The following RBM4 variants were observed in gnomAD, a reference collection of about 807,000 sequenced individuals.
The protein encoded by RBM4 is RNA binding motif protein 4, also known as RNA-binding protein 4.
RBM4 carries 7 observed loss-of-function variants against 29.5 expected under a neutral mutation model. The ratio of observed to expected loss-of-function variants is 0.24; its 90% confidence interval spans 0.14 to 0.45. The LOEUF (loss-of-function observed/expected upper bound fraction) is 0.45, where lower values mean the gene tolerates loss of function less well. Among genes scored for constraint, RBM4 ranks in the 20% least tolerant of loss-of-function variants. The pLI is 1.00. For missense variants in RBM4, 387 were observed against 502.3 expected (o/e 0.77, Z 2.19); for synonymous variants, 220 against 205.4 (o/e 1.07, Z -0.61).
intron 3 of RBM4, chr11:66,644,580 A>G (rs912955903): frequency 3.3e-6 from 2 of 609,228 alleles, no homozygotes; most frequent in Non-Finnish European, 2.1e-6. Context: ...AAGTTCTGAT[A>G]TGACCCCTGA....
At chr11:66,646,004 C>T (rs1251241594) in intron 3 of RBM4, 23 bp from the exon 4 acceptor site, 14 of 1,535,860 alleles carry the variant, frequency 9.1e-6, no homozygotes, top group African/African-American at 1.4e-5. Context: ...GCTGTAAAGC[C>T]GCTGTATTGT....
chr11:66,655,661 C>T (rs1005294038), intron 2 of RBM4, among the ~76,000 whole-genome samples: 5 of 152,138 alleles, frequency 3.3e-5, no homozygotes, highest in South Asian at 2.1e-4. Context: ...GGGAAAAGTA[C>T]GCCAGGTAGA....
rs1246879187 is a variant in RBM4, at chr11:66,643,148, T to C, written c.413-302T>C. Among the ~76,000 whole-genome samples the C allele has an allele frequency of 5.3e-5, 8 of 152,208 alleles. No homozygotes were observed. Among genetic ancestry groups the C allele is most frequent in the Non-Finnish European group, 8.8e-5 (6 of 68,036 alleles). The stretch of plus-strand genomic sequence containing the variant: ...TTGACTTCTTTTGACTTTGAGCCGC[T>C]GTTTGGAGATGATTTTTACCTGTTT... On this transcript the variant is annotated intron_variant, in intron 2 of 3. Transcript: ENST00000310092. This position sits in a 1 kb window ranked among gnomAD's most constrained non-coding sequence, Gnocchi z 6.1.
At chr11:66,667,218 CCA>C in exon 3 of RBM4, 1 of 152,260 alleles carries the variant, frequency 6.6e-6, no homozygotes. Context: ...AGTCATAATG[CCA>C]TTTCCACTCA....
chr11:66,645,922 T>G (rs1260029153), intron 3 of RBM4, 105 bp from the exon 4 acceptor site: 6 of 1,525,918 alleles, frequency 3.9e-6, no homozygotes, highest in Non-Finnish European at 4.4e-6. Flanking sequence ...CAAGTAAACT[T>G]AAAAGGAGTG....
rs777051243 is a variant in RBM4, at chr11:66,640,011, G to A, written c.300G>A (p.Glu100=). 1 of 1,614,198 alleles carries A rather than the reference G, an allele frequency of 6.2e-7. No homozygotes were observed. The highest frequency in any genetic ancestry group is 8.5e-7 in the Non-Finnish European group (1 of 1,180,040). The change falls in exon 2 of 4, where the codon GAG becomes GAA. Residue 100 remains glutamate, a synonymous_variant. Coordinates refer to ENST00000310092, the MANE Select transcript of RBM4 (RefSeq NM_002896.4). Reference sequence around the variant, plus strand: ...AGGAGCTTCGAGCCAAGTTTGAGGAGTATGGTCCGGTCATCGAATGTGACA... The same window carrying A: ...AGGAGCTTCGAGCCAAGTTTGAGGAATATGGTCCGGTCATCGAATGTGACA... ...TNKELRAKFE[E]YGPVIECDIV... is the part of the protein sequence containing the mutation.
At chr11:66,648,823 T>A (rs553577792), downstream of RBM4, among the ~76,000 whole-genome samples, 124 of 149,240 alleles carry the variant, frequency 8.3e-4, no homozygotes, top group East Asian at 5.1e-3. Context: ...AAAAAAAAAA[T>A]TTTTTTTTTA....
chr11:66,646,477 G>A (rs1938698043), downstream of RBM4: 2 of 996,458 alleles, frequency 2.0e-6, no homozygotes, highest in South Asian at 4.5e-5. Flanking sequence ...TAGGGTATGT[G>A]TGCTTTGCGA....
At chr11:66,668,287 T>C (rs538629763) in exon 3 of RBM4, 15 of 232,866 alleles carry the variant, frequency 6.4e-5, no homozygotes, top group South Asian at 3.9e-4. Context: ...GTAGATGATA[T>C]ACAGAGGGCA....
chr11:66,642,061 T>G (rs916265595), intron 2 of RBM4, among the ~76,000 whole-genome samples: 1 of 152,240 alleles, frequency 6.6e-6, no homozygotes, highest in Admixed American at 6.5e-5. Context: ...GCTAGCACTT[T>G]AAGGCACTTA....
At chr11:66,651,821 G>A (rs926634849) in intron 2 of RBM4, among the ~76,000 whole-genome samples, 1 of 152,148 alleles carries the variant, frequency 6.6e-6, no homozygotes, top group Admixed American at 6.5e-5. Context: ...AGGCAGGAAG[G>A]GTGAGGGATT....
chr11:66,639,869 G>A lies in RBM4; in HGVS notation c.158G>A (p.Arg53His), dbSNP rs765301901. ...EDKTAAEDAI[R>H]NLHHYKLHGV... ...AAGACGGCAGCTGAGGATGCCATAC[G>A]CAACCTGCACCATTACAAGCTTCAT... Residue 53 changes from arginine to histidine, a missense_variant, in exon 2 of 4, where the codon CGC becomes CAC. Coordinates refer to ENST00000310092, the MANE Select transcript of RBM4 (RefSeq NM_002896.4). The A allele has an allele frequency of 3.1e-6, 5 of 1,614,100 alleles. No individual in the cohort carries two copies. The highest frequency in any genetic ancestry group is 1.1e-5 in the South Asian group (1 of 91,078).
rs1211701533 is a variant in RBM4 at position 66,665,365 on chromosome 11, AGAATATAAG to A, written c.413-487_413-479del. The A allele has an allele frequency of 2.0e-5, 12 of 592,704 alleles. No homozygotes were observed. The Middle Eastern group carries it at 1.7e-3, about 83-fold the overall frequency. 36.7% of individuals were successfully genotyped at this position (592,704 alleles called of 1,614,324 possible). ...CTTACCTAGGGCTGCTCAGAGGCTG[AGAATATAAG>A]GAACAGAGTGAAAGGCTACAGAGAC... On this transcript the variant is annotated intron_variant, in intron 2 of 2. Transcript: ENST00000396053.
chr11:66,666,326 G>A (rs1939229924), exon 3 of RBM4: 1 of 1,024,624 alleles, frequency 9.8e-7, no homozygotes, highest in African/African-American at 1.7e-5. Flanking sequence ...CTTGATCTGT[G>A]CCAATCGACT....
intron 2 of RBM4, among the ~76,000 whole-genome samples, chr11:66,642,122 C>A (rs1042568602): frequency 6.6e-6 from 1 of 152,220 alleles, no homozygotes. Flanking sequence ...ACCTAAACTT[C>A]CAGCTGTGTA....
chr11:66,656,765 A>AT (rs1938958960), intron 2 of RBM4, among the ~76,000 whole-genome samples: 1 of 151,940 alleles, frequency 6.6e-6, no homozygotes, highest in South Asian at 2.1e-4. Flanking sequence ...GGTTCAAGCG[A>AT]TTTTTGTGCC....
exon 3 of RBM4, chr11:66,667,372 C>T (rs1411188289): frequency 6.6e-6 from 1 of 152,200 alleles, no homozygotes; most frequent in Non-Finnish European, 1.5e-5. Context: ...ATTTTCTACA[C>T]ATCTGAAAAT....
rs772687344 is a variant in RBM4, at chr11:66,643,813, C to T, written c.776C>T (p.Ala259Val). Residue 259 changes from alanine (A) to valine (V), a missense_variant, in exon 3 of 4, where the codon GCC becomes GTC. Physicochemically the swap from Ala to Val is moderately conservative, Grantham distance 64. Around this residue, in one of 2 missense-constraint regions of RBM4, gnomAD observed 281 missense variants for 288.7 expected, o/e 0.97. Coordinates refer to ENST00000310092, the MANE Select transcript of RBM4 (RefSeq NM_002896.4). This position sits in a 1 kb window ranked among gnomAD's most constrained non-coding sequence, Gnocchi z 6.1. ...LSQLPQVQNT[A>V]MASHLTSTSL... ...CAGCTGCCACAAGTCCAGAATACAGCCATGGCCAGTCACCTCACCTCCACC... is the reference window on the plus strand; with the variant it reads ...CAGCTGCCACAAGTCCAGAATACAGTCATGGCCAGTCACCTCACCTCCACC... The T allele has an allele frequency of 1.1e-5, 18 of 1,613,874 alleles. No individual in the cohort carries two copies. Among genetic ancestry groups the T allele is most frequent in the Middle Eastern group, 1.6e-4 (1 of 6,084 alleles).
chr11:66,644,311 A>T, intron 3 of RBM4, 171 bp downstream of exon 3: 1 of 941,936 alleles, frequency 1.1e-6, no homozygotes, highest in African/African-American at 1.7e-5. Context: ...TAAAATACAT[A>T]GAGTTCCTTG....
Sources: allele counts gnomAD v4.1 joint callset (sites outside exome capture counted in the v4.1 genomes callset), GRCh38; gene constraint gnomAD v4.1.1; regional missense constraint gnomAD v4.1.1; non-coding constraint Gnocchi (gnomAD v3.1); transcripts MANE v1.5; gene names NCBI Gene and HGNC (gene_info 2026-07-23, HGNC 2026-07-21).